PARD3B: variants seen among roughly 807,000 people sequenced by gnomAD.
The protein encoded by PARD3B is par-3 family cell polarity regulator beta, also known as partitioning defective 3 homolog B.
Under a neutral mutation model 130.2 loss-of-function variants are expected in PARD3B, and 103 were observed. That is an observed-to-expected ratio of 0.79 (90% confidence interval 0.67 to 0.93). The LOEUF is 0.93. Among genes scored for constraint, PARD3B ranks in the 40% least tolerant of loss-of-function variants. PARD3B has a pLI of 0.00. For missense variants in PARD3B, 1,609 were observed against 1,499.2 expected (o/e 1.07, Z -1.21); for synonymous variants, 583 against 553.2 (o/e 1.05, Z -0.76).
chr2:205,600,295 C>T (rs1479285370), intron 22 of PARD3B, among the ~76,000 whole-genome samples: 2 of 152,150 alleles, frequency 1.3e-5, no homozygotes, highest in Non-Finnish European at 2.9e-5. Context: ...TGACATTCTC[C>T]AAAGAGACCG....
intron 2 of PARD3B, among the ~76,000 whole-genome samples, chr2:204,818,715 C>T (rs1484941657): frequency 2.0e-5 from 3 of 152,148 alleles, no homozygotes; most frequent in Non-Finnish European, 2.9e-5. Flanking sequence ...GGAGGTTGAA[C>T]ATTTCAGCCT....
Position 204,669,807 on chromosome 2 carries a change from G to A in PARD3B, c.121-16374G>A, listed in dbSNP as rs2036207008. On this transcript the variant is annotated intron_variant, in intron 1 of 22. Transcript: ENST00000406610. This position sits in a 1 kb window ranked among gnomAD's most constrained non-coding sequence, Gnocchi z 4.3. ...GAAGGTGAGGAAAAGAGTAAGGGCT[G>A]CCAAGTCCTCTTTTACTCCGAGGAA... Among the ~76,000 whole-genome samples, 1 of 152,152 alleles carries A rather than the reference G, an allele frequency of 6.6e-6. No individual in the cohort carries two copies.
intron 2 of PARD3B, among the ~76,000 whole-genome samples, chr2:204,735,027 G>T (rs7588825): frequency 0.23 from 34,175 of 150,668 alleles, 4,270 homozygotes; most frequent in African/African-American, 0.32. Context: ...GCTAATAAAT[G>T]TAGGAGAAAT....
chr2:205,614,981 T>C (rs967226786), intron 22 of PARD3B, among the ~76,000 whole-genome samples: 1 of 152,130 alleles, frequency 6.6e-6, no homozygotes, highest in Non-Finnish European at 1.5e-5. Flanking sequence ...CTGTCCTGGA[T>C]ATGGTGGTAG....
chr2:205,086,658 A>C (rs999737548), intron 4 of PARD3B, among the ~76,000 whole-genome samples: 13 of 151,948 alleles, frequency 8.6e-5, no homozygotes, highest in African/African-American at 3.1e-4. Context: ...ATGGGGGGAA[A>C]CCTTTGGAGG....
At chr2:205,255,275 T>A (rs1206300854) in intron 16 of PARD3B, among the ~76,000 whole-genome samples, 1 of 152,148 alleles carries the variant, frequency 6.6e-6, no homozygotes, top group Non-Finnish European at 1.5e-5. Context: ...CTCACACTTC[T>A]GCTCCAGAGC....
intron 21 of PARD3B, among the ~76,000 whole-genome samples, chr2:205,517,072 G>C (rs1044380920): frequency 1.1e-4 from 16 of 152,098 alleles, no homozygotes; most frequent in African/African-American, 3.9e-4. Context: ...CACATTTATT[G>C]ATTTTCATAC....
At chr2:204,879,090 T>C (rs1445084550) in intron 2 of PARD3B, among the ~76,000 whole-genome samples, 7 of 152,218 alleles carry the variant, frequency 4.6e-5, no homozygotes, top group Admixed American at 1.3e-4. Flanking sequence ...GGTTCAATTA[T>C]AGCTATTTTG....
Position 205,585,495 on chromosome 2 carries a change from C to T in PARD3B, c.3261-29961C>T, listed in dbSNP as rs549212419. ...CCAGGATGGTAGCCTCCGGAAGAAT[C>T]GGCAGGCATTTATTTAAATGGGATC... On this transcript the variant is annotated intron_variant, in intron 22 of 22. Coordinates refer to ENST00000406610, the MANE Select transcript of PARD3B (RefSeq NM_001302769.2). This position sits in a 1 kb window ranked among gnomAD's most constrained non-coding sequence, Gnocchi z 5.4. Among the ~76,000 whole-genome samples, 3 of 152,258 alleles carry T rather than the reference C, an allele frequency of 2.0e-5. No individual in the cohort carries two copies. The highest frequency in any genetic ancestry group is 1.9e-4 in the East Asian group (1 of 5,166).
At chr2:204,682,571 A>T (rs1294273366) in intron 1 of PARD3B, among the ~76,000 whole-genome samples, 2 of 152,138 alleles carry the variant, frequency 1.3e-5, no homozygotes, top group Non-Finnish European at 2.9e-5. Flanking sequence ...CCAGTAGGTA[A>T]GATTCTTCTA....
chr2:205,229,983 G>A lies in PARD3B; in HGVS notation c.2141-15795G>A, dbSNP rs770209940. 6.6e-6 allele frequency among the ~76,000 whole-genome samples: 1 copy of A among 151,250 alleles called. No individual in the cohort carries two copies. The highest frequency in any genetic ancestry group is 1.5e-5 in the Non-Finnish European group (1 of 67,878). Reference sequence around the variant, plus strand: ...CCACTGATGCTCATTCCAGGTCTAAGGACTCTTCAGTCAGCTCATGGTGAA... The same window carrying A: ...CCACTGATGCTCATTCCAGGTCTAAAGACTCTTCAGTCAGCTCATGGTGAA... On this transcript the variant is annotated intron_variant, in intron 15 of 22. Transcript: ENST00000406610. This position sits in a 1 kb window ranked among gnomAD's most constrained non-coding sequence, Gnocchi z 5.2.
intron 2 of PARD3B, among the ~76,000 whole-genome samples, chr2:204,817,072 T>G (rs2125536456): frequency 6.6e-6 from 1 of 152,252 alleles, no homozygotes; most frequent in African/African-American, 2.4e-5. Flanking sequence ...AGAAGTTTGT[T>G]GGGCTCTTTT....
At chr2:204,714,690 A>G (rs1469981958) in intron 2 of PARD3B, among the ~76,000 whole-genome samples, 2 of 152,204 alleles carry the variant, frequency 1.3e-5, no homozygotes, top group Non-Finnish European at 2.9e-5. Context: ...CCTTATTCTA[A>G]TGTCTACTTA....
At chr2:205,020,524 A>G (rs1696515129) in intron 3 of PARD3B, among the ~76,000 whole-genome samples, 1 of 152,076 alleles carries the variant, frequency 6.6e-6, no homozygotes, top group Non-Finnish European at 1.5e-5. Context: ...GCAGGTTCTC[A>G]CTGGCTTTGG....
intron 20 of PARD3B, among the ~76,000 whole-genome samples, chr2:205,496,112 A>G (rs1467976828): frequency 1.3e-5 from 2 of 152,196 alleles, no homozygotes; most frequent in African/African-American, 2.4e-5. Flanking sequence ...ATAAGTGTTC[A>G]ATAAATTATA....
intron 15 of PARD3B, among the ~76,000 whole-genome samples, chr2:205,195,545 G>C (rs1049738422): frequency 3.3e-5 from 5 of 152,144 alleles, no homozygotes; most frequent in Admixed American, 6.5e-5. Flanking sequence ...AATTCACTTA[G>C]GTGATACCGC....
intron 4 of PARD3B, among the ~76,000 whole-genome samples, chr2:205,090,256 ATC>A (rs1559427118): frequency 6.6e-6 from 1 of 152,116 alleles, no homozygotes; most frequent in Non-Finnish European, 1.5e-5. Flanking sequence ...TGAAATGAAA[ATC>A]TCTGTTTTGT....
At chr2:204,714,989 T>G (rs2038651447) in intron 2 of PARD3B, among the ~76,000 whole-genome samples, 1 of 152,208 alleles carries the variant, frequency 6.6e-6, no homozygotes, top group Non-Finnish European at 1.5e-5. Flanking sequence ...AATTATCCTT[T>G]AAAAACAAAT....
chr2:205,517,126 T>G (rs116477724), intron 21 of PARD3B, among the ~76,000 whole-genome samples: 2,683 of 152,282 alleles, frequency 0.018, 82 homozygotes, highest in African/African-American at 0.06. Flanking sequence ...TACTTGATAA[T>G]GATGGATAAG....
Sources: gnomAD v4.1 joint callset for allele counts (sites outside exome capture counted in the v4.1 genomes callset) on GRCh38, gnomAD v4.1.1 for gene constraint, Gnocchi (gnomAD v3.1) non-coding constraint, MANE v1.5 for transcripts, NCBI Gene and HGNC (gene_info 2026-07-23, HGNC 2026-07-21) for gene names.